Variants in KCP observed in about 807,000 individuals in gnomAD.
The protein encoded by KCP is kielin/chordin-like protein.
KCP carries 194 observed loss-of-function variants against 212.7 expected under a neutral mutation model. That is an observed-to-expected ratio of 0.91 (90% CI 0.81 to 1.03). KCP has a LOEUF of 1.03. KCP is among the 50% of genes least tolerant of loss of function. The pLI is 0.00. For missense variants in KCP, 2,080 were observed against 2,162.5 expected (o/e 0.96, Z 0.76); for synonymous variants, 833 against 865.3 (o/e 0.96, Z 0.65).
intron 8 of KCP, among the ~76,000 whole-genome samples, chr7:128,899,462 C>CAGAG (rs1320707363): frequency 6.6e-6 from 1 of 152,196 alleles, no homozygotes; most frequent in Admixed American, 6.5e-5. Context: ...TTTCAGAACT[C>CAGAG]AGAGAGCTGA....
chr7:128,885,929 T>C (rs2128945557), intron 26 of KCP, among the ~76,000 whole-genome samples: 1 of 152,222 alleles, frequency 6.6e-6, no homozygotes, highest in East Asian at 1.9e-4. Context: ...GTTGTGCTGA[T>C]TAAATGAGAT....
chr7:128,894,403 G>T (rs1206281169), intron 8 of KCP, 110 bp from the exon 9 acceptor site: 5 of 811,010 alleles, frequency 6.2e-6, no homozygotes, highest in East Asian at 2.7e-5. Flanking sequence ...GGGTTGAATT[G>T]TGTGTCCCCG....
intron 15 of KCP, 40 bp downstream of exon 15, chr7:128,892,648 G>A: frequency 4.5e-6 from 7 of 1,551,114 alleles, no homozygotes; most frequent in Non-Finnish European, 6.1e-6. Flanking sequence ...GGCATGCCCA[G>A]GAGGGGCTCA....
rs1793338798 is a variant in KCP at position 128,881,615 on chromosome 7, T to G, written c.3424+11A>C. The stretch of plus-strand genomic sequence containing the variant: ...CCTCTCTGAGGGTGGAGGCCAAGGC[T>G]GGGCACTTACCCCGGCATACGGGGC... On this transcript the variant is annotated intron_variant, in intron 31 of 39. Transcript: ENST00000610776. The G allele has an allele frequency of 6.7e-7, 1 of 1,485,930 alleles. No homozygotes were observed. The highest frequency in any genetic ancestry group is 2.9e-5 in the Admixed American group (1 of 34,104). The allele number at this position is 1,485,930 out of a possible 1,614,324, so 92.0% of individuals were successfully genotyped here.
rs199831809 is a variant in KCP at position 128,888,119 on chromosome 7, T to TACACAC, written c.2512+738_2512+743dup. ...ACCCACATACACACAGCTACAGCCA[T>TACACAC]ACACACACACACACACACACAGGGC... On this transcript the variant is annotated intron_variant, in intron 22 of 39. Coordinates refer to ENST00000610776, the MANE Select transcript of KCP (RefSeq NM_001366122.1). Among the ~76,000 whole-genome samples the TACACAC allele has an allele frequency of 2.0e-3, 237 of 118,030 alleles. 1 individual carries two copies. The highest frequency in any genetic ancestry group is 7.0e-3 in the African/African-American group (225 of 31,952). The allele number at this position is 118,030 out of a possible 152,430, so 77.4% of individuals were successfully genotyped here.
intron 38 of KCP, among the ~76,000 whole-genome samples, chr7:128,878,171 C>T (rs1213865619): frequency 6.6e-6 from 1 of 151,990 alleles, no homozygotes; most frequent in Non-Finnish European, 1.5e-5. Context: ...ATTCTCCTGC[C>T]TCAGCCACCC....
Position 128,878,585 on chromosome 7 carries a change from C to G in KCP, c.4284G>C (p.Ser1428=), listed in dbSNP as rs768127943. Residue 1428 remains serine (S), a synonymous_variant, in exon 38 of 40, where the codon TCG becomes TCC. Transcript: ENST00000610776. ...LQGPEGLLLP[S]EAAFGNSWQV... is the part of the protein sequence containing the mutation. ...GCCAGCTATTCCCAAACGCAGCCTC[C>G]GAGGGCAGGAGCAGCCCCTCAGGGC... 28 of 1,551,316 alleles carry G rather than the reference C, an allele frequency of 1.8e-5. No homozygotes were observed. The highest frequency in any genetic ancestry group is 4.4e-6 in the Non-Finnish European group (5 of 1,146,940).
intron 28 of KCP, 63 bp from the exon 29 acceptor site, chr7:128,884,185 G>C (rs1793504581): frequency 6.7e-7 from 1 of 1,495,436 alleles, no homozygotes; most frequent in Non-Finnish European, 8.8e-7. Flanking sequence ...GCCCTTGGCC[G>C]GGACTTCCGG....
chr7:128,877,756 G>T lies in KCP; in HGVS notation c.4346C>A (p.Ser1449Tyr). The change falls in exon 39 of 40, where the codon TCT becomes TAT. Residue 1449 changes from serine to tyrosine, a missense_variant. Physicochemically the swap from Ser to Tyr is moderately radical, Grantham distance 144 (BLOSUM62 -2). Transcript: ENST00000610776. ...SEGLWPGRPCSAGREVDPCRA... is the reference protein window; with the variant it reads ...SEGLWPGRPCYAGREVDPCRA... ...GCACGGATCCACCTCTCGGCCTGCA[G>T]AACAGGGCCGGCCAGGCCACAGCCC... is the stretch of plus-strand genomic sequence containing the variant. 1 of 1,550,330 alleles carries T rather than the reference G, an allele frequency of 6.5e-7. No homozygotes were observed.
Position 128,902,793 on chromosome 7 carries a change from C to T in KCP, c.815G>A (p.Arg272Gln), listed in dbSNP as rs201353718. 1.4e-5 allele frequency: 21 copies of T among 1,551,526 alleles called. No individual in the cohort carries two copies. The highest frequency in any genetic ancestry group is 1.2e-4 in the South Asian group (10 of 84,060). Residue 272 changes from arginine to glutamine, a missense_variant, in exon 8 of 40, where the codon CGA becomes CAA. Physicochemically the swap from Arg to Gln is conservative, Grantham distance 43. Transcript: ENST00000610776. ...AGGACTCACCAGGCACCGGCAGATT[C>T]GGCAGGGGTCCCCAGGTGTTGTCCA... The part of the protein sequence containing the change: ...QEWTTPGDPC[R>Q]ICRCLEGHIQ...
chr7:128,893,079 T>A, intron 13 of KCP, 58 bp from the exon 14 acceptor site: 1 of 913,254 alleles, frequency 1.1e-6, no homozygotes, highest in Non-Finnish European at 1.8e-6. Context: ...TCCCTGTCCT[T>A]CCCAGGACAC....
Position 128,877,155 on chromosome 7 carries a change from T to G in KCP, c.4775A>C (p.Glu1592Ala), listed in dbSNP as rs1222614526. 1 of 1,500,302 alleles carries G rather than the reference T, an allele frequency of 6.7e-7. No individual in the cohort carries two copies. Among genetic ancestry groups the G allele is most frequent in the Admixed American group, 2.6e-5 (1 of 38,614 alleles). The allele number at this position is 1,500,302 out of a possible 1,614,324, so 92.9% of individuals were successfully genotyped here. The part of the protein sequence containing the change: ...PGCQCPAGLV[E>A]HEAHCIPPEA... ...GGGTGGGATGCAGTGGGCCTCATGC[T>G]CCACCAGGCCTGCAGGGCACTGGCA... is the stretch of plus-strand genomic sequence containing the variant. Residue 1592 changes from glutamate to alanine, a missense_variant, in exon 40 of 40, where the codon GAG becomes GCG. Transcript: ENST00000610776.
Position 128,891,732 on chromosome 7 carries a change from C to T in KCP, c.1709G>A (p.Gly570Asp), listed in dbSNP as rs1173139057. 6.9e-7 allele frequency: 1 copy of T among 1,448,780 alleles called. No homozygotes were observed. The highest frequency in any genetic ancestry group is 2.5e-5 in the East Asian group (1 of 39,424). 89.7% of individuals were successfully genotyped at this position (1,448,780 alleles called of 1,614,324 possible). The change falls in exon 17 of 40, where the codon GGC (glycine) becomes GAC (aspartate). Residue 570 changes from glycine to aspartate, a missense_variant. By Grantham distance (94) the Gly-to-Asp change is moderately conservative. Coordinates refer to ENST00000610776, the MANE Select transcript of KCP (RefSeq NM_001366122.1). Reference protein sequence around the residue: ...DPCQECRCQEGHAHCQPRPCP... With the variant: ...DPCQECRCQEDHAHCQPRPCP... ...GGGGCGAGGCTGGCAGTGGGCATGG[C>T]CTTCCTGGCATCGGCACTCCTGGCA...
In KCP at chr7:128,878,744, TG is replaced by T. The variant is rs1563017434; in HGVS notation, c.4147-23del. On this transcript the variant is annotated intron_variant, in intron 37 of 39. Transcript: ENST00000610776. ...GCACCTGTGTGGAGAGGCCTGAGAC[TG>T]GGGAGCAGGGAAGGACAGGGGCCTT... The T allele has an allele frequency of 2.6e-6, 4 of 1,544,510 alleles. No homozygotes were observed. The South Asian group carries it at 4.8e-5, about 18-fold the overall frequency.
Position 128,881,690 on chromosome 7 carries a change from A to C in KCP, c.3360T>G (p.Pro1120=). The change falls in exon 31 of 40, where the codon CCT becomes CCG. Residue 1120 remains proline, a synonymous_variant. Coordinates refer to ENST00000610776, the MANE Select transcript of KCP (RefSeq NM_001366122.1). ...GCTCTGAGAGGGGACAGCTGAGCTC[A>C]GGACAAGCCTGGTGGATGCAGAGCC... ...LTWLCIHQAC[P]ELSCPLSERH... The C allele has an allele frequency of 6.6e-7, 1 of 1,522,464 alleles. No individual in the cohort carries two copies. The highest frequency in any genetic ancestry group is 8.8e-7 in the Non-Finnish European group (1 of 1,139,936). The allele number at this position is 1,522,464 out of a possible 1,614,324, so 94.3% of individuals were successfully genotyped here.
At chr7:128,907,228 T>C (rs751086771) in intron 3 of KCP, 36 bp downstream of exon 3, 3 of 1,539,252 alleles carry the variant, frequency 1.9e-6, no homozygotes, top group African/African-American at 2.7e-5. Context: ...TGCAGGTCTT[T>C]AGGTGGCCCC....
chr7:128,889,754 G>A (rs1418012648), intron 21 of KCP, among the ~76,000 whole-genome samples: 1 of 152,128 alleles, frequency 6.6e-6, no homozygotes, highest in Non-Finnish European at 1.5e-5. Context: ...AAGGGCAAGT[G>A]GCCAAAATGG....
intron 7 of KCP, 150 bp downstream of exon 7, chr7:128,903,577 A>T (rs1216036788): frequency 3.2e-6 from 2 of 622,770 alleles, no homozygotes; most frequent in Non-Finnish European, 5.7e-6. Flanking sequence ...TCACACAAGC[A>T]CTAGGTGGCA....
Position 128,908,567 on chromosome 7 carries a change from A to C in KCP, c.78T>G (p.Gly26=). The C allele has an allele frequency of 6.5e-7, 1 of 1,549,726 alleles. No homozygotes were observed. Among genetic ancestry groups the C allele is most frequent in the Non-Finnish European group, 8.7e-7 (1 of 1,145,816 alleles). ...CAGGGGGCTCCCTGGGGACAGCCCC[A>C]CCTGAAGGGCACAAGAATCCCATGT... ...GALALAAGAE[G]GAVPREPPGQ... The change falls in exon 2 of 40, where the codon GGT becomes GGG. Residue 26 remains glycine, a splice_region_variant and synonymous_variant. Coordinates refer to ENST00000610776, the MANE Select transcript of KCP (RefSeq NM_001366122.1).
Sources: gnomAD v4.1 joint callset for allele counts (sites outside exome capture counted in the v4.1 genomes callset) on GRCh38, gnomAD v4.1.1 for gene constraint, MANE v1.5 for transcripts, NCBI Gene and HGNC (gene_info 2026-07-23, HGNC 2026-07-21) for gene names.